Variants in APBA1 observed in about 807,000 individuals in gnomAD.
APBA1 encodes amyloid beta precursor protein binding family A member 1, also known as amyloid-beta A4 precursor protein-binding family A member 1.
Under a neutral mutation model 86.6 loss-of-function variants are expected in APBA1, and 55 were observed. The observed-to-expected ratio is 0.64, with a 90% confidence interval of 0.51 to 0.80. The LOEUF is 0.80. Among genes scored for constraint, APBA1 ranks in the 30% least tolerant of loss-of-function variants. The pLI is 0.00. For synonymous variants in APBA1, 511 were observed against 493.9 expected (o/e 1.03, Z -0.46); for missense variants, 1,090 against 1,183.0 (o/e 0.92, Z 1.15).
intron 1 of APBA1, among the ~76,000 whole-genome samples, chr9:69,545,741 C>T (rs554258170): frequency 2.2e-4 from 34 of 152,272 alleles, no homozygotes; most frequent in Non-Finnish European, 3.7e-4. Context: ...AAAGTCATCA[C>T]GCATTCATGA....
At chr9:69,441,187 C>T (rs547741971) in intron 10 of APBA1, 72 bp from the exon 11 acceptor site, 3 of 1,540,384 alleles carry the variant, frequency 1.9e-6, no homozygotes, top group Admixed American at 1.9e-5. Flanking sequence ...GCAGGCAGCA[C>T]CAAAGGCAAA....
chr9:69,542,901 C>A (rs1014773218), intron 1 of APBA1, among the ~76,000 whole-genome samples: 1 of 152,142 alleles, frequency 6.6e-6, no homozygotes, highest in Non-Finnish European at 1.5e-5. Flanking sequence ...AGCAATTAAT[C>A]TTCTGAAGAC....
intron 2 of APBA1, among the ~76,000 whole-genome samples, chr9:69,505,262 A>G (rs531958675): frequency 1.7e-4 from 26 of 152,206 alleles, no homozygotes; most frequent in African/African-American, 5.1e-4. Context: ...CTCCCTTAAC[A>G]TAAGGCTTTG....
At chr9:69,622,581 G>A (rs141731550) in intron 1 of APBA1, among the ~76,000 whole-genome samples, 17 of 148,308 alleles carry the variant, frequency 1.1e-4, no homozygotes, top group Admixed American at 2.0e-4. Flanking sequence ...CAAGTCATAA[G>A]AAAAAAAAAA....
intron 1 of APBA1, among the ~76,000 whole-genome samples, chr9:69,520,124 G>T (rs1035367421): frequency 6.6e-6 from 1 of 152,136 alleles, no homozygotes; most frequent in East Asian, 1.9e-4. Context: ...ACATGTTAAT[G>T]AATAACAGAC....
At chr9:69,578,532 G>A (rs1821851895) in intron 1 of APBA1, among the ~76,000 whole-genome samples, 1 of 152,154 alleles carries the variant, frequency 6.6e-6, no homozygotes, top group South Asian at 2.1e-4. Flanking sequence ...CAATCTGGTT[G>A]CCACTTAAAA....
At chr9:69,658,884 C>T (rs893018136) in intron 1 of APBA1, among the ~76,000 whole-genome samples, 5 of 152,114 alleles carry the variant, frequency 3.3e-5, no homozygotes, top group Non-Finnish European at 7.4e-5. Context: ...GTATGAAACA[C>T]CAACCCCATA....
intron 2 of APBA1, among the ~76,000 whole-genome samples, chr9:69,482,683 T>C (rs1464886638): frequency 5.3e-5 from 8 of 151,906 alleles, no homozygotes; most frequent in Non-Finnish European, 8.8e-5. Flanking sequence ...CGTATGTTTA[T>C]TGCGGCATTA....
At chr9:69,614,927 G>A (rs953205782) in intron 1 of APBA1, among the ~76,000 whole-genome samples, 1 of 152,206 alleles carries the variant, frequency 6.6e-6, no homozygotes, top group Non-Finnish European at 1.5e-5. Context: ...GGCTGGGCTT[G>A]TTGGTTCACA....
chr9:69,551,610 T>G (rs778585720), intron 1 of APBA1, among the ~76,000 whole-genome samples: 5 of 152,198 alleles, frequency 3.3e-5, no homozygotes, highest in Non-Finnish European at 5.9e-5. Flanking sequence ...TTATGGAATT[T>G]CAGGACCAAT....
At chr9:69,672,523 G>C (rs1823976619), upstream of APBA1, among the ~76,000 whole-genome samples, 1 of 146,590 alleles carries the variant, frequency 6.8e-6, no homozygotes, top group Non-Finnish European at 1.5e-5. Flanking sequence ...TGCCTCCCTC[G>C]CCCACTCGCG....
chr9:69,658,276 CTTTCTT>C (rs1554709940), intron 1 of APBA1, among the ~76,000 whole-genome samples: 3,358 of 78,978 alleles, frequency 0.043, 173 homozygotes, highest in African/African-American at 0.099. Context: ...TTCTTTCTTT[CTTTCTT>C]TCTCTCTCTC....
intron 1 of APBA1, among the ~76,000 whole-genome samples, chr9:69,559,244 G>A (rs531890468): frequency 2.6e-5 from 4 of 152,140 alleles, no homozygotes; most frequent in Admixed American, 2.0e-4. Context: ...TATTCTTTCT[G>A]GGGGGTAGGT....
chr9:69,567,043 CT>C (rs1461567347), intron 1 of APBA1, among the ~76,000 whole-genome samples: 1 of 152,138 alleles, frequency 6.6e-6, no homozygotes, highest in East Asian at 1.9e-4. Flanking sequence ...ACTGAATGGT[CT>C]ATACACTTCA....
At chr9:69,440,175 A>T (rs1393076918) in intron 11 of APBA1, among the ~76,000 whole-genome samples, 2 of 152,150 alleles carry the variant, frequency 1.3e-5, no homozygotes, top group African/African-American at 4.8e-5. Context: ...CGGCTGTGTG[A>T]GGTGTCAGTC....
intron 2 of APBA1, among the ~76,000 whole-genome samples, chr9:69,485,002 G>C (rs1382303306): frequency 6.7e-6 from 1 of 149,506 alleles, no homozygotes; most frequent in Non-Finnish European, 1.5e-5. Context: ...TTTTTGTAGA[G>C]ACAGGGTCTC....
chr9:69,540,464 T>G (rs952124084), intron 1 of APBA1, among the ~76,000 whole-genome samples: 1 of 152,212 alleles, frequency 6.6e-6, no homozygotes, highest in African/African-American at 2.4e-5. Context: ...TGTTGTATGA[T>G]GGATCTCTAG....
At chr9:69,667,578 T>A (rs1823865816) in intron 1 of APBA1, among the ~76,000 whole-genome samples, 1 of 149,198 alleles carries the variant, frequency 6.7e-6, no homozygotes, top group South Asian at 2.2e-4. Flanking sequence ...TCATCTAGTA[T>A]CCTCCCATCT....
chr9:69,553,477 CTTTT>C (rs1346247845), intron 1 of APBA1, among the ~76,000 whole-genome samples: 1 of 152,172 alleles, frequency 6.6e-6, no homozygotes, highest in Non-Finnish European at 1.5e-5. Flanking sequence ...AGTATATACT[CTTTT>C]GTGTCTGGCT....
Sources: gnomAD v4.1 joint callset for allele counts (sites outside exome capture counted in the v4.1 genomes callset) on GRCh38, gnomAD v4.1.1 for gene constraint, MANE v1.5 for transcripts, NCBI Gene and HGNC (gene_info 2026-07-23, HGNC 2026-07-21) for gene names.